PARP12: variants seen among roughly 807,000 people sequenced by gnomAD.
PARP12 encodes poly(ADP-ribose) polymerase family member 12, also known as protein mono-ADP-ribosyltransferase PARP12.
In PARP12, 59 loss-of-function variants were observed where a neutral mutation model predicts 72.4. The observed-to-expected ratio is 0.81, with a 90% CI of 0.66 to 1.01. PARP12 has a LOEUF of 1.01. Among genes scored for constraint, PARP12 ranks in the 50% least tolerant of loss-of-function variants. PARP12 has a pLI of 0.00. For missense variants in PARP12, 851 were observed against 914.0 expected (o/e 0.93, Z 0.89); for synonymous variants, 403 against 371.4 (o/e 1.09, Z -0.98).
intron 3 of PARP12, 44 bp from the exon 4 acceptor site, chr7:140,054,807 G>T: frequency 6.8e-7 from 1 of 1,472,702 alleles, no homozygotes; most frequent in Non-Finnish European, 9.5e-7. Context: ...CTGATATGGG[G>T]TATAAAAGAG....
At chr7:140,025,444 C>T in intron 11 of PARP12, 2 of 366,188 alleles carry the variant, frequency 5.5e-6, no homozygotes, top group South Asian at 4.2e-5. Context: ...AACTGACTAA[C>T]AAAGAACTGA....
intron 8 of PARP12, among the ~76,000 whole-genome samples, chr7:140,030,530 G>A (rs975123697): frequency 3.0e-4 from 45 of 152,212 alleles, no homozygotes; most frequent in South Asian, 1.2e-3. Flanking sequence ...CTCAAGAGGC[G>A]GAGGTTGCAG....
At chr7:140,037,599 T>C in intron 7 of PARP12, 116 bp downstream of exon 7, 3 of 1,456,792 alleles carry the variant, frequency 2.1e-6, no homozygotes, top group Non-Finnish European at 2.8e-6. Flanking sequence ...ACCTTGCTTT[T>C]CTTTCCTGTA....
chr7:140,054,910 A>G lies in PARP12; in HGVS notation c.761-147T>C, dbSNP rs554029163. The G allele has an allele frequency of 7.1e-5, 45 of 632,976 alleles. No individual in the cohort carries two copies. The East Asian group carries it at 1.3e-3, about 18-fold the overall frequency. The allele number at this position is 632,976 out of a possible 1,614,324, so 39.2% of individuals were successfully genotyped here. ...GTTTGGGGTGAAAGTGCTCCTACACAGGTGGATCCTCTACTTTTTAGTGAC... is the reference window on the plus strand; with the variant it reads ...GTTTGGGGTGAAAGTGCTCCTACACGGGTGGATCCTCTACTTTTTAGTGAC... On this transcript the variant is annotated intron_variant, in intron 3 of 11. Transcript: ENST00000263549.
At position 140,037,256 on chromosome 7, in the gene PARP12, G is replaced by A. The variant is rs111947380; in HGVS notation, c.1324+459C>T. 9.7e-4 allele frequency among the ~76,000 whole-genome samples: 147 copies of A among 152,268 alleles called. 2 individuals are homozygous for A. The highest frequency in any genetic ancestry group is 3.5e-3 in the African/African-American group (144 of 41,556). ...CGAGAATCACTTGAACCCGGGAGGC[G>A]GAGGTTGCAGTGAGCCAAGATCACG... is the stretch of plus-strand genomic sequence containing the variant. On this transcript the variant is annotated intron_variant, in intron 7 of 11. Coordinates refer to ENST00000263549, the MANE Select transcript of PARP12 (RefSeq NM_022750.4).
rs1341797343 is a variant in PARP12 at position 140,062,548 on chromosome 7, G to A, written c.300C>T (p.Tyr100=). The part of the protein sequence containing the change: ...AQLHLCRFMV[Y]GACKFLRAGK... ...CGGCTCTCAGGAACTTGCAGGCGCC[G>A]TAGACCATGAACCTGCAGAGGTGGA... Residue 100 remains tyrosine, a synonymous_variant, in exon 1 of 12, where the codon TAC becomes TAT. Transcript: ENST00000263549. 1.3e-6 allele frequency: 2 copies of A among 1,555,532 alleles called. No homozygotes were observed. The highest frequency in any genetic ancestry group is 8.7e-7 in the Non-Finnish European group (1 of 1,155,108).
chr7:140,051,448 T>C (rs565280126), intron 4 of PARP12, among the ~76,000 whole-genome samples: 70 of 152,030 alleles, frequency 4.6e-4, no homozygotes, highest in Admixed American at 9.8e-4. Context: ...TGGAGTGCAG[T>C]GGCACGGTCT....
At chr7:140,043,054 A>T (rs61129051) in intron 5 of PARP12, among the ~76,000 whole-genome samples, 1 of 152,044 alleles carries the variant, frequency 6.6e-6, no homozygotes, top group African/African-American at 2.4e-5. Flanking sequence ...ACTAGCCGGG[A>T]GTGGTGGCGG....
chr7:140,061,034 C>T (rs1447231819), intron 1 of PARP12, among the ~76,000 whole-genome samples: 1 of 152,184 alleles, frequency 6.6e-6, no homozygotes, highest in African/African-American at 2.4e-5. Context: ...ACTGAAGAGT[C>T]GTCACCTCTC....
intron 8 of PARP12, among the ~76,000 whole-genome samples, chr7:140,029,957 G>A (rs927178215): frequency 2.0e-5 from 3 of 152,186 alleles, no homozygotes; most frequent in Non-Finnish European, 4.4e-5. Context: ...CTCTAGGAGA[G>A]GAGAGACAAG....
intron 11 of PARP12, chr7:140,025,533 T>C (rs957927096): frequency 4.4e-6 from 2 of 453,558 alleles, no homozygotes; most frequent in East Asian, 1.4e-4. Flanking sequence ...GATAATGTCC[T>C]GTTCTTGGGA....
At chr7:140,027,585 T>C (rs150384934) in intron 9 of PARP12, 179 bp from the exon 10 acceptor site, 9,581 of 610,566 alleles carry the variant, frequency 0.016, 124 homozygotes, top group Middle Eastern at 0.028. Flanking sequence ...TGAAATGTCA[T>C]TGATAGGTTC....
intron 6 of PARP12, among the ~76,000 whole-genome samples, chr7:140,040,168 T>C (rs1436686816): frequency 2.0e-5 from 3 of 152,060 alleles, no homozygotes; most frequent in Non-Finnish European, 2.9e-5. Flanking sequence ...TGTCCCTCCA[T>C]CTCCAGGAGA....
At chr7:140,027,969 T>C (rs183220768) in intron 9 of PARP12, among the ~76,000 whole-genome samples, 24 of 152,332 alleles carry the variant, frequency 1.6e-4, no homozygotes, top group Non-Finnish European at 2.5e-4. Flanking sequence ...GCCTGCACTG[T>C]TGGCATCTGC....
At position 140,041,514 on chromosome 7, in the gene PARP12, A is replaced by T. The variant is rs1816466505; in HGVS notation, c.1182+130T>A. On this transcript the variant is annotated intron_variant, in intron 6 of 11. Transcript: ENST00000263549. ...TGCCATAATTCTCCCAAAGCAAGTGAGCCACACTGGCACCTGGGGATCCTC... is the reference window on the plus strand; with the variant it reads ...TGCCATAATTCTCCCAAAGCAAGTGTGCCACACTGGCACCTGGGGATCCTC... 3 of 862,982 alleles carry T rather than the reference A, an allele frequency of 3.5e-6. No individual in the cohort carries two copies. In the African/African-American group the frequency reaches 5.0e-5, roughly 15 times the overall value. 53.5% of individuals were successfully genotyped at this position (862,982 alleles called of 1,614,324 possible).
chr7:140,042,608 T>C (rs1349562624), intron 5 of PARP12, among the ~76,000 whole-genome samples: 2 of 152,142 alleles, frequency 1.3e-5, no homozygotes, highest in Non-Finnish European at 1.5e-5. Context: ...TCAAAAGAGA[T>C]ACCTCTGCGT....
intron 1 of PARP12, 118 bp from the exon 2 acceptor site, chr7:140,058,152 A>C (rs1817269122): frequency 8.6e-7 from 1 of 1,167,784 alleles, no homozygotes; most frequent in East Asian, 2.4e-5. Context: ...AGGTCTCTAA[A>C]GAGGTAATTA....
rs767909051 is a variant in PARP12 at position 140,041,768 on chromosome 7, G to C, written c.1058C>G (p.Ala353Gly). 6.2e-7 allele frequency: 1 copy of C among 1,614,106 alleles called. No homozygotes were observed. Among genetic ancestry groups the C allele is most frequent in the Non-Finnish European group, 8.5e-7 (1 of 1,179,960 alleles). Residue 353 changes from alanine to glycine, a missense_variant, in exon 6 of 12, where the codon GCT becomes GGT. Physicochemically the swap from Ala to Gly is moderately conservative, Grantham distance 60 (BLOSUM62 0). This residue lies in a region of PARP12 where 492 missense variants were observed against 489.3 expected (regional missense o/e 1.01). Coordinates refer to ENST00000263549, the MANE Select transcript of PARP12 (RefSeq NM_022750.4). ...CGTGGAGAGGCGGCGAGCCTGGGTAGCACCGTAAGTCATGGCGTTAAAGTT... is the reference window on the plus strand; with the variant it reads ...CGTGGAGAGGCGGCGAGCCTGGGTACCACCGTAAGTCATGGCGTTAAAGTT... ...CLNFNAMTYG[A>G]TQARRLSTAS...
intron 8 of PARP12, chr7:140,033,353 CA>C: frequency 1.0e-6 from 1 of 985,378 alleles, no homozygotes. Flanking sequence ...CTTCACAAAA[CA>C]AAAGAACCAA....
Sources: allele counts gnomAD v4.1 joint callset (sites outside exome capture counted in the v4.1 genomes callset), GRCh38; gene constraint gnomAD v4.1.1; regional missense constraint gnomAD v4.1.1; transcripts MANE v1.5; gene names NCBI Gene and HGNC (gene_info 2026-07-23, HGNC 2026-07-21).